The following KATNAL1 variants were observed in gnomAD, a reference collection of about 807,000 sequenced individuals.
KATNAL1 encodes the protein katanin catalytic subunit A1 like 1, also known as katanin p60 ATPase-containing subunit A-like 1.
KATNAL1 carries 32 observed loss-of-function variants against 55.2 expected under a neutral mutation model. The ratio of observed to expected loss-of-function variants is 0.58; its 90% CI spans 0.44 to 0.78. The LOEUF (loss-of-function observed/expected upper bound fraction) is 0.78, where lower values mean the gene tolerates loss of function less well. Ranked by LOEUF, KATNAL1 falls within the 30% of genes least tolerant of loss-of-function variation. The probability of loss-of-function intolerance (pLI) is 0.00; values close to 1 mark genes in which losing one functional copy is unlikely to be tolerated. For missense variants in KATNAL1, 466 were observed against 600.9 expected (o/e 0.78, Z 2.35); for synonymous variants, 193 against 193.6 (o/e 1.00, Z 0.02).
intron 1 of KATNAL1, among the ~76,000 whole-genome samples, chr13:30,304,515 G>A (rs537258063): frequency 3.9e-5 from 6 of 152,032 alleles, no homozygotes; most frequent in South Asian, 2.1e-4. Context: ...TGATCTGCCC[G>A]CCTCAGCCTT....
chr13:30,272,864 A>C (rs1304438101), intron 3 of KATNAL1, among the ~76,000 whole-genome samples: 1 of 152,146 alleles, frequency 6.6e-6, no homozygotes. Context: ...CCTGAAAAAC[A>C]CCCTCTGTTC....
intron 6 of KATNAL1, among the ~76,000 whole-genome samples, chr13:30,232,353 TTTGAAAACTA>T (rs1702067640): frequency 6.6e-6 from 1 of 152,216 alleles, no homozygotes; most frequent in Admixed American, 6.5e-5. Flanking sequence ...GGATTTAGGC[TTTGAAAACTA>T]TGTGTATGTC....
intron 3 of KATNAL1, among the ~76,000 whole-genome samples, chr13:30,278,151 T>A (rs1377175199): frequency 6.6e-6 from 1 of 152,068 alleles, no homozygotes; most frequent in Non-Finnish European, 1.5e-5. Context: ...CCTTCTCTAG[T>A]AGAACCTTGT....
At chr13:30,252,456 G>A (rs543008127) in intron 4 of KATNAL1, among the ~76,000 whole-genome samples, 3 of 152,106 alleles carry the variant, frequency 2.0e-5, no homozygotes, top group Non-Finnish European at 2.9e-5. Context: ...ATAAAGTTAA[G>A]TACATAGTTA....
At chr13:30,296,039 A>G (rs1398099816) in intron 1 of KATNAL1, 5 of 81,058 alleles carry the variant, frequency 6.2e-5, no homozygotes, top group African/African-American at 2.4e-4. Context: ...TGCCAATTCT[A>G]AAAAAAAAAA....
At chr13:30,284,233 C>A (rs906648122) in intron 1 of KATNAL1, among the ~76,000 whole-genome samples, 2 of 152,102 alleles carry the variant, frequency 1.3e-5, no homozygotes, top group Admixed American at 6.5e-5. Flanking sequence ...CACTAAACAA[C>A]GTTTTCAAAT....
intron 4 of KATNAL1, among the ~76,000 whole-genome samples, chr13:30,250,568 A>G (rs1475779249): frequency 6.6e-6 from 1 of 152,192 alleles, no homozygotes; most frequent in Non-Finnish European, 1.5e-5. Flanking sequence ...ATCAATCAAT[A>G]GCTCTCAAAA....
At chr13:30,274,892 C>CATACGCGT (rs1555265583) in intron 3 of KATNAL1, among the ~76,000 whole-genome samples, 56 of 88,100 alleles carry the variant, frequency 6.4e-4, no homozygotes, top group Middle Eastern at 5.3e-3. Flanking sequence ...CACACACATA[C>CATACGCGT]GCGCGCGCGC....
chr13:30,265,311 T>C (rs150663855), intron 3 of KATNAL1, among the ~76,000 whole-genome samples: 5,228 of 151,860 alleles, frequency 0.034, 101 homozygotes, highest in African/African-American at 0.051. Flanking sequence ...CAGCATGGCA[T>C]ATGTATACAT....
intron 4 of KATNAL1, among the ~76,000 whole-genome samples, chr13:30,249,353 A>G (rs1878090274): frequency 1.3e-5 from 2 of 152,174 alleles, no homozygotes; most frequent in Non-Finnish European, 1.5e-5. Context: ...GTTCTTCCCT[A>G]GTTTAATTTA....
rs76864551 is a variant in KATNAL1, at chr13:30,212,400, C to A, written c.1148-1958G>T. 8.9e-3 allele frequency among the ~76,000 whole-genome samples: 1,352 copies of A among 152,336 alleles called. 14 individuals are homozygous for A. The highest frequency in any genetic ancestry group is 0.027 in the Middle Eastern group (8 of 294). Reference sequence around the variant, plus strand: ...CAGCGTGCCTGGCAATGCACAGTGGCCGGACCCTGGTGCTTGCTTGCTCAT... The same window carrying A: ...CAGCGTGCCTGGCAATGCACAGTGGACGGACCCTGGTGCTTGCTTGCTCAT... On this transcript the variant is annotated intron_variant, in intron 9 of 10. Coordinates refer to ENST00000380615, the MANE Select transcript of KATNAL1 (RefSeq NM_032116.5).
chr13:30,251,139 C>CAAAAAA (rs34899786), intron 4 of KATNAL1, among the ~76,000 whole-genome samples: 2 of 85,912 alleles, frequency 2.3e-5, no homozygotes, highest in African/African-American at 5.0e-5. Flanking sequence ...GACTCTGCCT[C>CAAAAAA]AAAAAAAAAA....
intron 3 of KATNAL1, among the ~76,000 whole-genome samples, chr13:30,269,454 C>T (rs548131421): frequency 2.0e-5 from 3 of 152,350 alleles, no homozygotes; most frequent in African/African-American, 7.2e-5. Flanking sequence ...GCCTTGGCCA[C>T]CCAAAGTGCC....
intron 3 of KATNAL1, among the ~76,000 whole-genome samples, chr13:30,274,900 C>CGCGT (rs1337433595): frequency 0.012 from 1,308 of 105,904 alleles, 28 homozygotes; most frequent in African/African-American, 0.049. Flanking sequence ...TACGCGCGCG[C>CGCGT]GCGCGCGCAC....
intron 3 of KATNAL1, among the ~76,000 whole-genome samples, chr13:30,258,619 A>G (rs1231878063): frequency 1.3e-5 from 2 of 152,242 alleles, no homozygotes; most frequent in Non-Finnish European, 2.9e-5. Context: ...AGTTTAATAA[A>G]TCTTTGCCTA....
chr13:30,252,998 T>G (rs934174907), intron 4 of KATNAL1, among the ~76,000 whole-genome samples: 1 of 152,150 alleles, frequency 6.6e-6, no homozygotes, highest in African/African-American at 2.4e-5. Context: ...TCACCTGCCT[T>G]GGCCTCCCAA....
chr13:30,255,931 A>T (rs1878745952), intron 3 of KATNAL1, among the ~76,000 whole-genome samples: 1 of 152,206 alleles, frequency 6.6e-6, no homozygotes, highest in Non-Finnish European at 1.5e-5. Flanking sequence ...TTAACAACAT[A>T]ATGGAAAGGC....
intron 1 of KATNAL1, chr13:30,296,649 G>A (rs1016827360): frequency 1.2e-5 from 8 of 682,442 alleles, no homozygotes; most frequent in Non-Finnish European, 1.9e-5. Flanking sequence ...GCACAGGGAA[G>A]TTTGTCCTGC....
rs569204570 is a variant in KATNAL1, at chr13:30,271,669, A to C, written c.323+8394T>G. Among the ~76,000 whole-genome samples the C allele has an allele frequency of 3.3e-5, 5 of 152,078 alleles. No individual in the cohort carries two copies. In the South Asian group the frequency reaches 1.0e-3, roughly 32 times the overall value. ...ACATTAGAGATTACAATTCAACATG[A>C]GATGTAGGCAGGGACATAGATCCAA... On this transcript the variant is annotated intron_variant, in intron 3 of 10. Coordinates refer to ENST00000380615, the MANE Select transcript of KATNAL1 (RefSeq NM_032116.5).
Sources: allele counts gnomAD v4.1 joint callset (sites outside exome capture counted in the v4.1 genomes callset), GRCh38; gene constraint gnomAD v4.1.1; transcripts MANE v1.5; gene names NCBI Gene and HGNC (gene_info 2026-07-23, HGNC 2026-07-21).